Variants in PPP2R2A observed in about 807,000 individuals in gnomAD.
The protein encoded by PPP2R2A is serine/threonine-protein phosphatase 2A 55 kDa regulatory subunit B alpha isoform.
PPP2R2A carries 9 observed loss-of-function variants against 53.2 expected under a neutral mutation model. That is an observed-to-expected ratio of 0.17 (90% CI 0.10 to 0.30). PPP2R2A has a LOEUF of 0.30. Ranked by LOEUF, PPP2R2A falls within the 10% of genes least tolerant of loss-of-function variation. The pLI, the probability that PPP2R2A is intolerant of heterozygous loss-of-function variation, is 1.00. For synonymous variants in PPP2R2A, 169 were observed against 174.2 expected (o/e 0.97, Z 0.23); for missense variants, 235 against 534.6 (o/e 0.44, Z 5.53).
chr8:26,292,101 C>CGGGGT (rs1170829021), intron 1 of PPP2R2A: 4 of 337,922 alleles, frequency 1.2e-5, no homozygotes, highest in East Asian at 6.2e-4. Flanking sequence ...GTGGGTGGGG[C>CGGGGT]GGGGTGGGGG....
At chr8:26,294,674 TGTC>T (rs1345214458) in intron 2 of PPP2R2A, among the ~76,000 whole-genome samples, 5 of 152,226 alleles carry the variant, frequency 3.3e-5, no homozygotes, top group Admixed American at 1.3e-4. Flanking sequence ...TAGATTGTGT[TGTC>T]CTCATATTTC....
Position 26,361,098 on chromosome 8 carries a change from C to G in PPP2R2A, c.584C>G (p.Ala195Gly). 1 of 1,601,098 alleles carries G rather than the reference C, an allele frequency of 6.2e-7. No individual in the cohort carries two copies. Among genetic ancestry groups the G allele is most frequent in the Non-Finnish European group, 8.5e-7 (1 of 1,177,028 alleles). The change falls in exon 6 of 10, where the codon GCA (alanine) becomes GGA (glycine). Residue 195 changes from alanine to glycine, a missense_variant. Coordinates refer to ENST00000380737, the MANE Select transcript of PPP2R2A (RefSeq NM_002717.4). ...AGTGATTATGAAACATATTTATCTG[C>G]AGATGATTTGCGGATTAATCTTTGG... Reference protein sequence around the residue: ...INSDYETYLSADDLRINLWHL... With the variant: ...INSDYETYLSGDDLRINLWHL...
At chr8:26,300,802 G>C (rs1185064873) in intron 2 of PPP2R2A, among the ~76,000 whole-genome samples, 1 of 152,172 alleles carries the variant, frequency 6.6e-6, no homozygotes, top group African/African-American at 2.4e-5. Context: ...AGTGAGCCGA[G>C]ATCGTGCCAC....
rs1178842435 is a variant in PPP2R2A, at chr8:26,321,578, C to G, written c.83-17312C>G. 1.3e-5 allele frequency among the ~76,000 whole-genome samples: 2 copies of G among 152,194 alleles called. No homozygotes were observed. The highest frequency in any genetic ancestry group is 4.8e-5 in the African/African-American group (2 of 41,430). On this transcript the variant is annotated intron_variant, in intron 2 of 9. Coordinates refer to ENST00000380737, the MANE Select transcript of PPP2R2A (RefSeq NM_002717.4). This position sits in a 1 kb window ranked among gnomAD's most constrained non-coding sequence, Gnocchi z 4.1. Reference sequence around the variant, plus strand: ...GCCCTATTTCACTTGCTGAGGGAAGCCAGCTACCATGTTTGTGTGGTTCCC... The same window carrying G: ...GCCCTATTTCACTTGCTGAGGGAAGGCAGCTACCATGTTTGTGTGGTTCCC...
chr8:26,343,595 C>T (rs879565204), intron 3 of PPP2R2A, among the ~76,000 whole-genome samples: 9 of 152,126 alleles, frequency 5.9e-5, no homozygotes, highest in Non-Finnish European at 8.8e-5. Context: ...TGGTCTCGAT[C>T]TCCTGACCTC....
In PPP2R2A at chr8:26,371,594, A is replaced by G. The variant is rs1805669699; in HGVS notation, c.*1181A>G. ...TATAAAATAGCAGAAAACTAACATC[A>G]AGTGACACTGCACTAAATACTTTTT... is the stretch of plus-strand genomic sequence containing the variant. On this transcript the variant is annotated 3_prime_UTR_variant, in exon 10 of 10. Transcript: ENST00000380737. The G allele has an allele frequency of 6.6e-6, 1 of 152,214 alleles. No individual in the cohort carries two copies. 9.4% of individuals were successfully genotyped at this position (152,214 alleles called of 1,614,324 possible).
rs1284670341 is a variant in PPP2R2A, at chr8:26,362,118, GAAAGATT to G, written c.638-557_638-551del. Among the ~76,000 whole-genome samples, 2 of 151,086 alleles carry G rather than the reference GAAAGATT, an allele frequency of 1.3e-5. No individual in the cohort carries two copies. The highest frequency in any genetic ancestry group is 4.9e-5 in the African/African-American group (2 of 41,212). ...TTAGATTAGAAAAAGATTAGAAAAA[GAAAGATT>G]AAAGATTACGATTAGATTAAGATTA... is the stretch of plus-strand genomic sequence containing the variant. On this transcript the variant is annotated intron_variant, in intron 6 of 9. Transcript: ENST00000380737. The surrounding 1 kb of genome is among the most constrained non-coding windows in gnomAD (Gnocchi z 4.4).
At chr8:26,318,255 A>C (rs1802660805) in intron 2 of PPP2R2A, among the ~76,000 whole-genome samples, 1 of 152,296 alleles carries the variant, frequency 6.6e-6, no homozygotes, top group African/African-American at 2.4e-5. Flanking sequence ...GCCTTATAGG[A>C]TCCTAATTCA....
At chr8:26,336,099 A>G (rs1227879219) in intron 2 of PPP2R2A, among the ~76,000 whole-genome samples, 1 of 151,908 alleles carries the variant, frequency 6.6e-6, no homozygotes, top group Non-Finnish European at 1.5e-5. Context: ...TCATTACTTG[A>G]TTCTTGTTCT....
At chr8:26,333,542 A>T (rs1585370341) in intron 2 of PPP2R2A, 1 of 1,198,914 alleles carries the variant, frequency 8.3e-7, no homozygotes. Flanking sequence ...GAGTGACTCC[A>T]TAAAGTGCCT....
At chr8:26,327,624 G>A (rs1191854117) in intron 2 of PPP2R2A, among the ~76,000 whole-genome samples, 4 of 152,168 alleles carry the variant, frequency 2.6e-5, no homozygotes, top group East Asian at 1.9e-4. Context: ...ATAAAAGAGC[G>A]TCGTAGTGGT....
chr8:26,335,067 C>A (rs2117314367), intron 2 of PPP2R2A, among the ~76,000 whole-genome samples: 1 of 152,326 alleles, frequency 6.6e-6, no homozygotes, highest in African/African-American at 2.4e-5. Context: ...GCTTACCGAT[C>A]TGAGTGCTCT....
intron 2 of PPP2R2A, among the ~76,000 whole-genome samples, chr8:26,333,795 C>T (rs991455957): frequency 6.6e-5 from 10 of 151,994 alleles, no homozygotes; most frequent in Non-Finnish European, 1.3e-4. Flanking sequence ...AAGTAAAAAC[C>T]GACCAATGAC....
chr8:26,348,266 A>G (rs956780841), intron 3 of PPP2R2A, among the ~76,000 whole-genome samples: 11 of 152,148 alleles, frequency 7.2e-5, no homozygotes, highest in Admixed American at 3.9e-4. Context: ...AGCAAAGTAA[A>G]TATTTCCTAC....
intron 2 of PPP2R2A, among the ~76,000 whole-genome samples, chr8:26,314,185 T>C (rs1802426397): frequency 6.6e-6 from 1 of 152,222 alleles, no homozygotes; most frequent in African/African-American, 2.4e-5. Context: ...GTACTTCGTT[T>C]CGTTTTCTGT....
intron 2 of PPP2R2A, among the ~76,000 whole-genome samples, chr8:26,323,812 C>T (rs949753914): frequency 3.9e-5 from 6 of 152,078 alleles, no homozygotes; most frequent in Admixed American, 2.0e-4. Context: ...AGTCATTGGC[C>T]GTTTGTGATC....
chr8:26,361,574 C>T (rs1318588106), intron 6 of PPP2R2A, among the ~76,000 whole-genome samples: 1 of 152,024 alleles, frequency 6.6e-6, no homozygotes, highest in African/African-American at 2.4e-5. Context: ...CCTCTGCACT[C>T]CAGCTTGGAT....
chr8:26,292,019 T>A, intron 1 of PPP2R2A, 193 bp downstream of exon 1: 2 of 869,574 alleles, frequency 2.3e-6, no homozygotes, highest in South Asian at 7.3e-5. Context: ...TGAGAGTCAC[T>A]GGGCTTGGAG....
intron 4 of PPP2R2A, among the ~76,000 whole-genome samples, chr8:26,355,497 G>T (rs1365279193): frequency 1.3e-5 from 2 of 152,138 alleles, no homozygotes; most frequent in Non-Finnish European, 2.9e-5. Flanking sequence ...GCCCCGCTCA[G>T]TCTCCCAAAG....
Sources: gnomAD v4.1 joint callset for allele counts (sites outside exome capture counted in the v4.1 genomes callset) on GRCh38, gnomAD v4.1.1 for gene constraint, Gnocchi (gnomAD v3.1) non-coding constraint, MANE v1.5 for transcripts, NCBI Gene and HGNC (gene_info 2026-07-23, HGNC 2026-07-21) for gene names.